The following IGF2BP3 variants were observed in gnomAD, a reference collection of about 807,000 sequenced individuals.
IGF2BP3 encodes insulin like growth factor 2 mRNA binding protein 3, also known as insulin-like growth factor 2 mRNA-binding protein 3.
In IGF2BP3, 9 loss-of-function variants were observed where a neutral mutation model predicts 73.8. The ratio of observed to expected loss-of-function variants is 0.12; its 90% CI spans 0.07 to 0.21. IGF2BP3 has a LOEUF of 0.21. IGF2BP3 is among the 10% of genes least tolerant of loss of function. The pLI, the probability that IGF2BP3 is intolerant of heterozygous loss-of-function variation, is 1.00. For synonymous variants in IGF2BP3, 258 were observed against 256.7 expected (o/e 1.01, Z -0.05); for missense variants, 542 against 714.0 (o/e 0.76, Z 2.75).
In IGF2BP3 at chr7:23,322,010, A is replaced by C. The variant is rs146585095; in HGVS notation, c.1204-2756T>G. ...AAAAAACTGGAAACTCTTAAAAAGC[A>C]GAGTGCCTCTCCTTCTCCAAAGGAA... On this transcript the variant is annotated intron_variant, in intron 10 of 14. Transcript: ENST00000258729. Among the ~76,000 whole-genome samples the C allele has an allele frequency of 1.7e-3, 260 of 152,360 alleles. 1 individual carries two copies. The highest frequency in any genetic ancestry group is 5.7e-3 in the African/African-American group (238 of 41,580).
At chr7:23,460,973 T>G (rs1176962733) in intron 2 of IGF2BP3, among the ~76,000 whole-genome samples, 5 of 152,008 alleles carry the variant, frequency 3.3e-5, no homozygotes, top group Admixed American at 6.6e-5. Flanking sequence ...AATAAAAAAC[T>G]AAGAAAGTGA....
intron 2 of IGF2BP3, among the ~76,000 whole-genome samples, chr7:23,419,086 A>C (rs569593364): frequency 1.2e-4 from 18 of 152,338 alleles, no homozygotes; most frequent in African/African-American, 4.3e-4. Context: ...GAATGTTTAA[A>C]ACACACTTAT....
At chr7:23,323,066 T>C (rs1181108422) in intron 10 of IGF2BP3, among the ~76,000 whole-genome samples, 2 of 152,086 alleles carry the variant, frequency 1.3e-5, no homozygotes, top group East Asian at 1.9e-4. Context: ...AATTCACACA[T>C]AACAATATTA....
intron 3 of IGF2BP3, among the ~76,000 whole-genome samples, chr7:23,364,968 C>G (rs538943753): frequency 6.6e-5 from 10 of 152,226 alleles, no homozygotes; most frequent in Admixed American, 4.6e-4. Context: ...GAGTTTGAGA[C>G]CAGCCTGGCC....
chr7:23,460,531 C>CAAA (rs11292731), intron 2 of IGF2BP3, among the ~76,000 whole-genome samples: 1 of 140,984 alleles, frequency 7.1e-6, no homozygotes. Flanking sequence ...AACTCCATCT[C>CAAA]AAAAAAAAAA....
intron 2 of IGF2BP3, among the ~76,000 whole-genome samples, chr7:23,461,733 C>T (rs1788454515): frequency 1.3e-5 from 2 of 152,176 alleles, no homozygotes; most frequent in Admixed American, 1.3e-4. Context: ...TTTTCTGTTG[C>T]AAGCATTTTG....
intron 6 of IGF2BP3, among the ~76,000 whole-genome samples, chr7:23,350,649 A>T (rs573666208): frequency 1.3e-5 from 2 of 152,378 alleles, no homozygotes; most frequent in South Asian, 4.1e-4. Context: ...TTGACAAATA[A>T]AAGATCCTTC....
rs775345387 is a variant in IGF2BP3, at chr7:23,469,922, A to AGGCCCG, written c.175+8_175+13dup. The AGGCCCG allele has an allele frequency of 1.6e-5, 25 of 1,596,542 alleles. No homozygotes were observed. Among genetic ancestry groups the AGGCCCG allele is most frequent in the Non-Finnish European group, 1.7e-6 (2 of 1,172,672 alleles). ...CTGGGGCGAGAGCCCGGGTGGGGCC[A>AGGCCCG]GGCCCGGGCCCACCTGAAAGCGCCT... On this transcript the variant is annotated intron_variant, in intron 1 of 14. Coordinates refer to ENST00000258729, the MANE Select transcript of IGF2BP3 (RefSeq NM_006547.3). The surrounding 1 kb of genome is among the most constrained non-coding windows in gnomAD (Gnocchi z 6.1).
At position 23,349,058 on chromosome 7, in the gene IGF2BP3, C is replaced by A. The variant is rs570304595; in HGVS notation, c.684-1324G>T. On this transcript the variant is annotated intron_variant, in intron 6 of 14. Transcript: ENST00000258729. ...CATCCCCAACTTACCAACAGCTACCCAGGTGAGACGAATGGTAACTTTTTA... is the reference window on the plus strand; with the variant it reads ...CATCCCCAACTTACCAACAGCTACCAAGGTGAGACGAATGGTAACTTTTTA... 2.2e-4 allele frequency among the ~76,000 whole-genome samples: 34 copies of A among 152,230 alleles called. 1 individual carries two copies. The highest frequency in any genetic ancestry group is 5.5e-4 in the African/African-American group (23 of 41,542).
chr7:23,459,808 G>A (rs1460668614), intron 2 of IGF2BP3, among the ~76,000 whole-genome samples: 1 of 152,038 alleles, frequency 6.6e-6, no homozygotes, highest in Non-Finnish European at 1.5e-5. Context: ...TTCAGCCTGG[G>A]CAACAAAGTG....
At chr7:23,431,832 C>A (rs1387201205) in intron 2 of IGF2BP3, among the ~76,000 whole-genome samples, 2 of 152,022 alleles carry the variant, frequency 1.3e-5, no homozygotes, top group Non-Finnish European at 2.9e-5. Context: ...CGCCAACCCA[C>A]ACACACACAT....
At chr7:23,336,834 G>C (rs901822085) in intron 10 of IGF2BP3, among the ~76,000 whole-genome samples, 7 of 152,092 alleles carry the variant, frequency 4.6e-5, no homozygotes, top group Admixed American at 2.0e-4. Flanking sequence ...TGTAATCCCA[G>C]CTACTCGGGA....
intron 5 of IGF2BP3, 153 bp downstream of exon 5, chr7:23,361,381 C>G (rs931877697): frequency 5.1e-6 from 3 of 592,726 alleles, no homozygotes; most frequent in Non-Finnish European, 8.9e-6. Flanking sequence ...GACATTCAAA[C>G]TTAAAAAGAA....
In IGF2BP3 at chr7:23,446,859, A is replaced by G. The variant is rs78308482; in HGVS notation, c.236+21623T>C. ...AAATCAACAAACACCATGTGCCTCTAGATGAGGTGCACTGAAAGCAATATC... is the reference window on the plus strand; with the variant it reads ...AAATCAACAAACACCATGTGCCTCTGGATGAGGTGCACTGAAAGCAATATC... On this transcript the variant is annotated intron_variant, in intron 2 of 14. Coordinates refer to ENST00000258729, the MANE Select transcript of IGF2BP3 (RefSeq NM_006547.3). Among the ~76,000 whole-genome samples the G allele has an allele frequency of 5.4e-3, 824 of 152,328 alleles. 4 individuals carry two copies. The highest frequency in any genetic ancestry group is 8.9e-3 in the Non-Finnish European group (604 of 68,028).
At chr7:23,433,932 G>A (rs572541268) in intron 2 of IGF2BP3, among the ~76,000 whole-genome samples, 8 of 151,868 alleles carry the variant, frequency 5.3e-5, no homozygotes, top group African/African-American at 7.3e-5. Flanking sequence ...AAAATTAGCC[G>A]GGCATCACGG....
chr7:23,351,274 T>G (rs765655390), intron 6 of IGF2BP3, 31 bp downstream of exon 6: 2 of 1,609,250 alleles, frequency 1.2e-6, no homozygotes, highest in East Asian at 2.2e-5. Context: ...GGAATTCTCA[T>G]GAACACCCAC....
intron 12 of IGF2BP3, among the ~76,000 whole-genome samples, chr7:23,315,156 CT>C (rs1783950284): frequency 6.6e-6 from 1 of 151,458 alleles, no homozygotes; most frequent in South Asian, 2.1e-4. Flanking sequence ...GACAGAGTCT[CT>C]TTCTCTGTGG....
At chr7:23,333,247 G>C (rs557869692) in intron 10 of IGF2BP3, among the ~76,000 whole-genome samples, 2 of 152,312 alleles carry the variant, frequency 1.3e-5, no homozygotes, top group Admixed American at 1.3e-4. Context: ...TTAGTTGCAT[G>C]ATTTCCCATG....
chr7:23,460,630 A>G (rs562444952), intron 2 of IGF2BP3, among the ~76,000 whole-genome samples: 1 of 152,108 alleles, frequency 6.6e-6, no homozygotes, highest in Admixed American at 6.6e-5. Flanking sequence ...TCTCTAACAT[A>G]TACATAAGTA....
Sources: allele counts gnomAD v4.1 joint callset (sites outside exome capture counted in the v4.1 genomes callset), GRCh38; gene constraint gnomAD v4.1.1; non-coding constraint Gnocchi (gnomAD v3.1); transcripts MANE v1.5; gene names NCBI Gene and HGNC (gene_info 2026-07-23, HGNC 2026-07-21).